The following CEP192 variants were observed in gnomAD, a reference collection of about 807,000 sequenced individuals.
The protein encoded by CEP192 is centrosomal protein 192.
A neutral mutation model predicts 271.8 loss-of-function variants in CEP192; 151 were observed. The observed-to-expected ratio is 0.56, with a 90% CI of 0.49 to 0.64. CEP192 has a LOEUF of 0.64. Among genes scored for constraint, CEP192 ranks in the 30% least tolerant of loss-of-function variants. The pLI is 0.00. For missense variants in CEP192, 2,910 were observed against 3,020.5 expected (o/e 0.96, Z 0.86); for synonymous variants, 995 against 1,076.5 (o/e 0.92, Z 1.48).
Position 13,017,322 on chromosome 18 carries a change from A to G in CEP192, c.775A>G (p.Asn259Asp). The G allele has an allele frequency of 6.5e-7, 1 of 1,544,586 alleles. No homozygotes were observed. Among genetic ancestry groups the G allele is most frequent in the Non-Finnish European group, 8.7e-7 (1 of 1,145,006 alleles). ...AGAAAAAGGTTTTAAGTTACCTACA[A>G]ATGGTCTTAGACAGGTGTGTTCCAG... ...PPEKGFKLPT[N>D]GLRQANENGS... The change falls in exon 7 of 45, where the codon AAT (asparagine) becomes GAT (aspartate). Residue 259 changes from asparagine (N) to aspartate (D), a missense_variant. By Grantham distance (23) the Asn-to-Asp change is conservative. Transcript: ENST00000506447.
intron 9 of CEP192, among the ~76,000 whole-genome samples, chr18:13,028,129 T>C (rs1351938668): frequency 6.6e-6 from 1 of 152,186 alleles, no homozygotes; most frequent in Non-Finnish European, 1.5e-5. Context: ...TGGTGTTCCT[T>C]GGCTTGTAGC....
chr18:13,120,236 A>T (rs2145153095), intron 44 of CEP192, among the ~76,000 whole-genome samples: 1 of 151,850 alleles, frequency 6.6e-6, no homozygotes, highest in South Asian at 2.1e-4. Flanking sequence ...TGGAAATCAG[A>T]TAAGGGGATT....
chr18:13,055,872 T>A lies in CEP192; in HGVS notation c.3282T>A (p.Val1094=). 1 of 1,613,638 alleles carries A rather than the reference T, an allele frequency of 6.2e-7. No individual in the cohort carries two copies. The highest frequency in any genetic ancestry group is 8.5e-7 in the Non-Finnish European group (1 of 1,179,870). The stretch of plus-strand genomic sequence containing the variant: ...CTATGGAAAAATTGAGAGAAAAAGT[T>A]CCATTTCAGAATAGAGGAAAAGGAA... ...ERAMEKLREK[V]PFQNRGKGTL... The change falls in exon 19 of 45, where the codon GTT becomes GTA. Residue 1094 remains valine (V), a synonymous_variant. Transcript: ENST00000506447.
chr18:13,119,567 C>A (rs1315193896), intron 44 of CEP192, among the ~76,000 whole-genome samples: 1 of 152,112 alleles, frequency 6.6e-6, no homozygotes, highest in Non-Finnish European at 1.5e-5. Context: ...CATTATGAAA[C>A]CCCATCTCCA....
chr18:13,049,324 G>A lies in CEP192; in HGVS notation c.2533G>A (p.Val845Ile). Reference protein sequence around the residue: ...RAPEENTAAIVYVENGESENQ... With the variant: ...RAPEENTAAIIYVENGESENQ... ...ACCAGAAGAAAACACAGCAGCTATTGTTTATGTTGAAAATGGAGAGAGTGA... is the reference window on the plus strand; with the variant it reads ...ACCAGAAGAAAACACAGCAGCTATTATTTATGTTGAAAATGGAGAGAGTGA... Residue 845 changes from valine (V) to isoleucine (I), a missense_variant, in exon 16 of 45, where the codon GTT (valine) becomes ATT (isoleucine). By Grantham distance (29) the Val-to-Ile change is conservative (BLOSUM62 3). Transcript: ENST00000506447. The A allele has an allele frequency of 6.2e-7, 1 of 1,614,116 alleles. No individual in the cohort carries two copies. Among genetic ancestry groups the A allele is most frequent in the Non-Finnish European group, 8.5e-7 (1 of 1,180,004 alleles).
chr18:13,016,846 CT>C (rs1284461134), intron 6 of CEP192, among the ~76,000 whole-genome samples: 1 of 152,048 alleles, frequency 6.6e-6, no homozygotes, highest in Non-Finnish European at 1.5e-5. Flanking sequence ...CTCATCTATA[CT>C]TTTTTGAAAG....
Position 13,072,777 on chromosome 18 carries a change from A to G in CEP192, c.5371A>G (p.Asn1791Asp). 1 of 1,610,460 alleles carries G rather than the reference A, an allele frequency of 6.2e-7. No individual in the cohort carries two copies. Among genetic ancestry groups the G allele is most frequent in the Non-Finnish European group, 8.5e-7 (1 of 1,176,668 alleles). The change falls in exon 29 of 45, where the codon AAT becomes GAT. Residue 1791 changes from asparagine to aspartate, a missense_variant. Transcript: ENST00000506447. ...TAGGCTTCAGAAACTAGCTTTAAGA[A>G]ATAATTCTGCATCTACAACTCAACA... ...RTQLQKLALR[N>D]NSASTTQHLR...
intron 8 of CEP192, 139 bp from the exon 9 acceptor site, chr18:13,018,943 C>G: frequency 1.3e-6 from 1 of 746,558 alleles, no homozygotes; most frequent in Non-Finnish European, 2.0e-6. Context: ...TATTTTCTCT[C>G]TACGAAAATG....
At chr18:13,055,666 TCAAAGAGA>T in intron 18 of CEP192, 106 bp from the exon 19 acceptor site, 1 of 681,802 alleles carries the variant, frequency 1.5e-6, no homozygotes, top group Non-Finnish European at 2.3e-6. Context: ...CAATTTTTTT[TCAAAGAGA>T]CACCTCATGC....
intron 20 of CEP192, chr18:13,058,791 T>G: frequency 2.6e-6 from 1 of 385,646 alleles, no homozygotes; most frequent in Non-Finnish European, 4.9e-6. Context: ...TGTGAAAGAG[T>G]GACCTTTGTC....
Position 13,049,286 on chromosome 18 carries a change from T to C in CEP192, c.2495T>C (p.Val832Ala). 6.2e-7 allele frequency: 1 copy of C among 1,614,126 alleles called. No individual in the cohort carries two copies. The highest frequency in any genetic ancestry group is 8.5e-7 in the Non-Finnish European group (1 of 1,180,018). The change falls in exon 16 of 45, where the codon GTA becomes GCA. Residue 832 changes from valine to alanine, a missense_variant. Physicochemically the swap from Val to Ala is moderately conservative, Grantham distance 64. Transcript: ENST00000506447. ...IHPVDLSATS[V>A]SVRAPEENTA... is the part of the protein sequence containing the mutation. ...CCGGTGGACTTAAGTGCTACTAGTG[T>C]AAGTGTGAGGGCACCAGAAGAAAAC...
intron 44 of CEP192, 90 bp from the exon 45 acceptor site, chr18:13,124,542 C>A: frequency 7.6e-7 from 1 of 1,310,532 alleles, no homozygotes; most frequent in Non-Finnish European, 1.0e-6. Flanking sequence ...GAGCTCTTTC[C>A]TCAACACCTG....
chr18:12,993,661 G>C (rs2033024609), intron 1 of CEP192, among the ~76,000 whole-genome samples: 1 of 152,154 alleles, frequency 6.6e-6, no homozygotes, highest in Admixed American at 6.5e-5. Flanking sequence ...TAGTGCAGAG[G>C]AAAGAATACC....
intron 11 of CEP192, among the ~76,000 whole-genome samples, chr18:13,035,304 A>G (rs781302125): frequency 6.6e-6 from 1 of 152,224 alleles, no homozygotes; most frequent in Non-Finnish European, 1.5e-5. Context: ...TGATAAAGAC[A>G]TACCCGAAAC....
At chr18:13,082,756 G>A (rs1010840504) in intron 30 of CEP192, among the ~76,000 whole-genome samples, 2 of 152,146 alleles carry the variant, frequency 1.3e-5, no homozygotes, top group African/African-American at 4.8e-5. Flanking sequence ...GCAGTGGCTA[G>A]TACCAGTTGT....
chr18:13,076,413 T>G (rs1004631115), intron 30 of CEP192, among the ~76,000 whole-genome samples: 3 of 152,012 alleles, frequency 2.0e-5, no homozygotes, highest in Admixed American at 6.5e-5. Flanking sequence ...TTAGTAGAGA[T>G]GGGATTGTTG....
intron 36 of CEP192, among the ~76,000 whole-genome samples, chr18:13,098,890 A>G (rs565682258): frequency 2.6e-5 from 4 of 152,298 alleles, no homozygotes; most frequent in South Asian, 4.1e-4. Context: ...CCTGGGCACC[A>G]TTGAGCACTG....
At chr18:13,090,180 C>T (rs947239772) in intron 33 of CEP192, among the ~76,000 whole-genome samples, 1 of 152,136 alleles carries the variant, frequency 6.6e-6, no homozygotes, top group African/African-American at 2.4e-5. Context: ...TACAGATTTT[C>T]ACCATAGTGT....
intron 5 of CEP192, 60 bp downstream of exon 5, chr18:13,013,085 A>G: frequency 1.2e-6 from 1 of 806,696 alleles, no homozygotes; most frequent in Non-Finnish European, 2.0e-6. Context: ...AAAATTTCAT[A>G]TTTCGCATAT....
Sources: allele counts gnomAD v4.1 joint callset (sites outside exome capture counted in the v4.1 genomes callset), GRCh38; gene constraint gnomAD v4.1.1; transcripts MANE v1.5; gene names NCBI Gene and HGNC (gene_info 2026-07-23, HGNC 2026-07-21).